Variants in CATSPERB observed in about 807,000 individuals in gnomAD.
The protein encoded by CATSPERB is catsper channel auxiliary subunit beta, also known as cation channel sperm-associated auxiliary subunit beta.
Under a neutral mutation model 128.3 loss-of-function variants are expected in CATSPERB, and 93 were observed. The ratio of observed to expected loss-of-function variants is 0.72; its 90% CI spans 0.61 to 0.86. CATSPERB has a LOEUF of 0.86. Ranked by LOEUF, CATSPERB falls within the 40% of genes least tolerant of loss-of-function variation. CATSPERB has a pLI of 0.00. For missense variants in CATSPERB, 1,153 were observed against 1,329.5 expected, an observed-to-expected ratio of 0.87 and a Z score of 2.06; for synonymous variants, 381 against 448.8, an observed-to-expected ratio of 0.85 and a Z score of 1.91.
rs183764476 is a variant in CATSPERB, at chr14:91,663,263, T to C, written c.1288-3282A>G. Among the ~76,000 whole-genome samples the C allele has an allele frequency of 7.7e-3, 1,176 of 152,300 alleles. 18 individuals carry two copies. The highest frequency in any genetic ancestry group is 0.01 in the Middle Eastern group (3 of 294). On this transcript the variant is annotated intron_variant, in intron 14 of 26. Coordinates refer to ENST00000256343, the MANE Select transcript of CATSPERB (RefSeq NM_024764.4). ...GTGAGATTTTGGCCCATATCACCAG[T>C]GTAACTTAAGATCAGTCTTCATTTC... is the stretch of plus-strand genomic sequence containing the variant.
rs777746876 is a variant in CATSPERB at position 91,624,936 on chromosome 14, A to G, written c.1814T>C (p.Ile605Thr). The part of the protein sequence containing the change: ...TTPKGFLSSV[I>T]AEMKEPFGLE... ...TCCAAAGGGCTCTTTCATTTCTGCAATAACTGAGGACAAAAATCCTTTAGG... is the reference window on the plus strand; with the variant it reads ...TCCAAAGGGCTCTTTCATTTCTGCAGTAACTGAGGACAAAAATCCTTTAGG... The change falls in exon 18 of 27, where the codon ATT (isoleucine) becomes ACT (threonine). Residue 605 changes from isoleucine to threonine, a missense_variant. By Grantham distance (89) the Ile-to-Thr change is moderately conservative. Coordinates refer to ENST00000256343, the MANE Select transcript of CATSPERB (RefSeq NM_024764.4). 3 of 1,613,162 alleles carry G rather than the reference A, an allele frequency of 1.9e-6. No homozygotes were observed. Among genetic ancestry groups the G allele is most frequent in the Non-Finnish European group, 2.5e-6 (3 of 1,179,692 alleles).
chr14:91,604,576 C>T (rs780682432), intron 22 of CATSPERB: 8 of 1,610,178 alleles, frequency 5.0e-6, no homozygotes, highest in South Asian at 1.1e-5. Context: ...TGGAGGACTG[C>T]AGAGATTCCT....
At chr14:91,598,412 TCC>T (rs1893547096) in intron 22 of CATSPERB, among the ~76,000 whole-genome samples, 1 of 152,122 alleles carries the variant, frequency 6.6e-6, no homozygotes, top group African/African-American at 2.4e-5. Context: ...TAACTTTATA[TCC>T]TAAATTATGA....
chr14:91,685,073 T>C (rs1355007725), intron 10 of CATSPERB, among the ~76,000 whole-genome samples: 3 of 152,004 alleles, frequency 2.0e-5, no homozygotes, highest in Non-Finnish European at 4.4e-5. Context: ...ACTACAGGTG[T>C]GCACCACCAT....
At chr14:91,626,725 C>T (rs1460670172) in intron 17 of CATSPERB, among the ~76,000 whole-genome samples, 2 of 152,104 alleles carry the variant, frequency 1.3e-5, no homozygotes, top group East Asian at 3.9e-4. Flanking sequence ...GGATTTCCCA[C>T]CCTCCAGAAC....
At chr14:91,633,244 C>G (rs893911633) in intron 17 of CATSPERB, among the ~76,000 whole-genome samples, 1 of 152,074 alleles carries the variant, frequency 6.6e-6, no homozygotes, top group African/African-American at 2.4e-5. Context: ...AATTCTCAGG[C>G]CCAGCCAAAA....
intron 9 of CATSPERB, 38 bp downstream of exon 9, chr14:91,693,087 AT>A: frequency 7.8e-7 from 1 of 1,275,034 alleles, no homozygotes; most frequent in South Asian, 1.2e-5. Context: ...CACAGAAGAT[AT>A]TTAAGATTAG....
intron 10 of CATSPERB, among the ~76,000 whole-genome samples, chr14:91,689,675 T>C (rs1319325321): frequency 6.6e-6 from 1 of 152,208 alleles, no homozygotes; most frequent in East Asian, 1.9e-4. Context: ...TCCTCTCCTT[T>C]CTTCCTTTTT....
intron 22 of CATSPERB, among the ~76,000 whole-genome samples, chr14:91,606,437 C>T (rs531883420): frequency 1.3e-5 from 2 of 151,904 alleles, no homozygotes; most frequent in Non-Finnish European, 1.5e-5. Context: ...GTGGTGCACG[C>T]CTGTAATCCC....
intron 11 of CATSPERB, among the ~76,000 whole-genome samples, chr14:91,679,823 G>T (rs1314248726): frequency 6.6e-6 from 1 of 152,102 alleles, no homozygotes. Flanking sequence ...ATGGCTTCCA[G>T]TCAGGTCATA....
intron 17 of CATSPERB, among the ~76,000 whole-genome samples, chr14:91,629,750 C>CAGCT (rs1308132342): frequency 6.6e-6 from 1 of 152,148 alleles, no homozygotes; most frequent in Non-Finnish European, 1.5e-5. Flanking sequence ...AATGGTCAGG[C>CAGCT]AGCTACCTTA....
chr14:91,726,323 G>A (rs1896119108), intron 2 of CATSPERB, among the ~76,000 whole-genome samples: 1 of 152,174 alleles, frequency 6.6e-6, no homozygotes, highest in Non-Finnish European at 1.5e-5. Flanking sequence ...TGGAGCCAGA[G>A]CCCAGGCGTG....
At position 91,729,347 on chromosome 14, in the gene CATSPERB, C is replaced by T. The variant is rs566880493; in HGVS notation, c.79+54G>A. ...TTTTTTACTGTAAATAAGGAAGAGA[C>T]ACAAATAAGAACTCCTGAGAAGGAA... On this transcript the variant is annotated intron_variant, in intron 2 of 26. Coordinates refer to ENST00000256343, the MANE Select transcript of CATSPERB (RefSeq NM_024764.4). 6 of 756,916 alleles carry T rather than the reference C, an allele frequency of 7.9e-6. No homozygotes were observed. The South Asian group carries it at 1.4e-4, about 18-fold the overall frequency. 46.9% of individuals were successfully genotyped at this position (756,916 alleles called of 1,614,324 possible).
rs1177201453 is a variant in CATSPERB at position 91,648,727 on chromosome 14, C to A, written c.1433-9477G>T. 2.0e-5 allele frequency among the ~76,000 whole-genome samples: 3 copies of A among 152,194 alleles called. No homozygotes were observed. In the South Asian group the frequency reaches 6.2e-4, roughly 32 times the overall value. ...ACATTACTGCCTCTGCTTTCTCTCC[C>A]AGTGTGTTTCACATACTTGTTCAAA... is the stretch of plus-strand genomic sequence containing the variant. On this transcript the variant is annotated intron_variant, in intron 15 of 26. Transcript: ENST00000256343.
Position 91,725,130 on chromosome 14 carries a change from A to G in CATSPERB, c.118T>C (p.Phe40Leu). Residue 40 changes from phenylalanine (F) to leucine (L), a missense_variant, in exon 3 of 27, where the codon TTC becomes CTC. Transcript: ENST00000256343. Reference protein sequence around the residue: ...EKRFACSNKGFPQENEIIKLY... With the variant: ...EKRFACSNKGLPQENEIIKLY... Reference sequence around the variant, plus strand: ...TTGATTATTTCATTCTCTTGAGGGAACCCTTTGTTAGAACATGCAAAGCGT... The same window carrying G: ...TTGATTATTTCATTCTCTTGAGGGAGCCCTTTGTTAGAACATGCAAAGCGT... 6.3e-7 allele frequency: 1 copy of G among 1,579,548 alleles called. No individual in the cohort carries two copies. Among genetic ancestry groups the G allele is most frequent in the Non-Finnish European group, 8.6e-7 (1 of 1,164,784 alleles).
rs1351420365 is a variant in CATSPERB, at chr14:91,589,560, A to G, written c.2930T>C (p.Val977Ala). The G allele has an allele frequency of 1.9e-6, 3 of 1,613,482 alleles. No homozygotes were observed. Among genetic ancestry groups the G allele is most frequent in the Non-Finnish European group, 2.5e-6 (3 of 1,179,716 alleles). ...CAGTTTCCAGTTGTGCCTCATGTTCACTTCAGTCACAGTAACCAGATATGG... is the reference window on the plus strand; with the variant it reads ...CAGTTTCCAGTTGTGCCTCATGTTCGCTTCAGTCACAGTAACCAGATATGG... ...QSPYLVTVTE[V>A]NMRHNWKLKH... is the part of the protein sequence containing the mutation. The change falls in exon 24 of 27, where the codon GTG becomes GCG. Residue 977 changes from valine to alanine, a missense_variant. Physicochemically the swap from Val to Ala is moderately conservative, Grantham distance 64. Coordinates refer to ENST00000256343, the MANE Select transcript of CATSPERB (RefSeq NM_024764.4).
chr14:91,652,583 A>G (rs921472588), intron 15 of CATSPERB, among the ~76,000 whole-genome samples: 13 of 147,354 alleles, frequency 8.8e-5, no homozygotes, highest in African/African-American at 2.8e-4. Flanking sequence ...AGGCAGGAGA[A>G]TCGCTTGAAC....
At chr14:91,621,573 T>A (rs1894042049) in intron 19 of CATSPERB, 35 bp downstream of exon 19, 1 of 1,435,680 alleles carries the variant, frequency 7.0e-7, no homozygotes, top group East Asian at 2.3e-5. Flanking sequence ...GAAATAACAT[T>A]TCCTTTTTAT....
At chr14:91,712,663 TATTCATTC>T (rs1245572281) in intron 5 of CATSPERB, among the ~76,000 whole-genome samples, 2 of 151,848 alleles carry the variant, frequency 1.3e-5, no homozygotes, top group Non-Finnish European at 2.9e-5. Context: ...AATTTGTAAG[TATTCATTC>T]ATTCATTTTC....
Sources: gnomAD v4.1 joint callset for allele counts (sites outside exome capture counted in the v4.1 genomes callset) on GRCh38, gnomAD v4.1.1 for gene constraint, MANE v1.5 for transcripts, NCBI Gene and HGNC (gene_info 2026-07-23, HGNC 2026-07-21) for gene names.